The following NAALADL2 variants were observed in gnomAD, a reference collection of about 807,000 sequenced individuals.
NAALADL2 encodes the protein inactive N-acetylated-alpha-linked acidic dipeptidase-like protein 2.
A neutral mutation model predicts 87.2 loss-of-function variants in NAALADL2; 76 were observed. The ratio of observed to expected loss-of-function variants is 0.87; its 90% confidence interval spans 0.72 to 1.05. The LOEUF is 1.05. Ranked by LOEUF, NAALADL2 falls within the 50% of genes least tolerant of loss-of-function variation. The pLI is 0.00. For synonymous variants in NAALADL2, 354 were observed against 331.0 expected (o/e 1.07, Z -0.75); for missense variants, 1,089 against 945.8 (o/e 1.15, Z -1.99).
chr3:175,731,411 C>A (rs1011682018), intron 11 of NAALADL2, among the ~76,000 whole-genome samples: 17 of 152,108 alleles, frequency 1.1e-4, no homozygotes, highest in Admixed American at 4.6e-4. Context: ...GAAGCTGATT[C>A]TCAGTGTTTT....
rs115689231 is a variant in NAALADL2, at chr3:175,291,233, T to C, written c.940-32942T>C. 5.6e-3 allele frequency among the ~76,000 whole-genome samples: 853 copies of C among 152,316 alleles called. 4 individuals are homozygous for C. The highest frequency in any genetic ancestry group is 0.02 in the African/African-American group (820 of 41,586). On this transcript the variant is annotated intron_variant, in intron 4 of 13. Coordinates refer to ENST00000454872, the MANE Select transcript of NAALADL2 (RefSeq NM_207015.3). ...CTAACTTGCTGTGAATCCCAAGATA[T>C]GTGATCTCCTGAATGTTTAAGAGTT...
Position 174,456,890 on chromosome 3 carries a change from A to G in NAALADL2, c.-184+15858A>G, listed in dbSNP as rs147150453. On this transcript the variant is annotated intron_variant, in intron 1 of 3. Transcript: ENST00000434257. Reference sequence around the variant, plus strand: ...CAAAAGGAAACTAAAGAGCTTCTATACAGCAAAAGAAACTATCAACAGAGT... The same window carrying G: ...CAAAAGGAAACTAAAGAGCTTCTATGCAGCAAAAGAAACTATCAACAGAGT... Among the ~76,000 whole-genome samples the G allele has an allele frequency of 4.2e-3, 632 of 152,288 alleles. 9 individuals are homozygous for G. Among genetic ancestry groups the G allele is most frequent in the African/African-American group, 0.014 (594 of 41,572 alleles).
intron 11 of NAALADL2, among the ~76,000 whole-genome samples, chr3:175,635,450 C>T (rs1048780518): frequency 1.2e-4 from 18 of 152,076 alleles, no homozygotes; most frequent in African/African-American, 2.2e-4. Flanking sequence ...AGACTGATTT[C>T]GACATGTATT....
intron 3 of NAALADL2, among the ~76,000 whole-genome samples, chr3:174,826,723 A>G (rs535879342): frequency 7.5e-4 from 114 of 152,240 alleles, no homozygotes; most frequent in Middle Eastern, 6.8e-3. Flanking sequence ...TCCTTATAGC[A>G]TGTTTTATGG....
Position 174,831,977 on chromosome 3 carries a change from C to T in NAALADL2, c.-9+94231C>T, listed in dbSNP as rs1251261824. On this transcript the variant is annotated intron_variant, in intron 3 of 3. Transcript: ENST00000434257. ...ATATCCCCTTTATCATTTTTTATTG[C>T]GTCTATTTGATTCTTCTCTCTTTTT... Among the ~76,000 whole-genome samples the T allele has an allele frequency of 2.0e-3, 301 of 151,162 alleles. 1 individual carries two copies. Among genetic ancestry groups the T allele is most frequent in the East Asian group, 2.9e-3 (15 of 5,152 alleles).
Position 175,463,479 on chromosome 3 carries a change from G to A in NAALADL2, c.1313G>A (p.Gly438Asp). ...TVTNVVGFVMGLTSPDRYIIV... is the reference protein window; with the variant it reads ...TVTNVVGFVMDLTSPDRYIIV... ...ACTAATGTTGTTGGATTTGTAATGG[G>A]CTTGACATCTCCAGGTAAGTAGGGT... Residue 438 changes from glycine to aspartate, a missense_variant, in exon 7 of 14, where the codon GGC (glycine) becomes GAC (aspartate). Physicochemically the swap from Gly to Asp is moderately conservative, Grantham distance 94 (BLOSUM62 -1). Transcript: ENST00000454872. 6.3e-7 allele frequency: 1 copy of A among 1,588,564 alleles called. No individual in the cohort carries two copies. The highest frequency in any genetic ancestry group is 8.6e-7 in the Non-Finnish European group (1 of 1,163,890).
chr3:175,516,504 G>T lies in NAALADL2; in HGVS notation c.1653+44746G>T, dbSNP rs980185026. On this transcript the variant is annotated intron_variant, in intron 9 of 13. Transcript: ENST00000454872. ...GTTGAGATTTTCTAATTTAAAGGTC[G>T]GGGATTCAATAATCAATCCCCTTTC... 1.2e-4 allele frequency among the ~76,000 whole-genome samples: 19 copies of T among 152,194 alleles called. 1 individual carries two copies. The highest frequency in any genetic ancestry group is 7.9e-4 in the Admixed American group (12 of 15,268).
At chr3:175,407,042 G>T (rs146535407) in intron 5 of NAALADL2, among the ~76,000 whole-genome samples, 2,286 of 151,996 alleles carry the variant, frequency 0.015, 18 homozygotes, top group Non-Finnish European at 0.021. Flanking sequence ...AAATTAGCCA[G>T]GTGTAGTGGC....
intron 2 of NAALADL2, among the ~76,000 whole-genome samples, chr3:175,162,447 T>C (rs574578859): frequency 1.3e-5 from 2 of 152,288 alleles, no homozygotes; most frequent in Admixed American, 1.3e-4. Flanking sequence ...GGCAGTGTTG[T>C]GGAATAGAGA....
At chr3:175,673,932 A>G (rs1337413213) in intron 11 of NAALADL2, among the ~76,000 whole-genome samples, 1 of 152,044 alleles carries the variant, frequency 6.6e-6, no homozygotes, top group African/African-American at 2.4e-5. Context: ...GTATTTACAT[A>G]TTATATTAAG....
chr3:174,714,576 G>T (rs1196027359), intron 2 of NAALADL2, among the ~76,000 whole-genome samples: 2 of 152,156 alleles, frequency 1.3e-5, no homozygotes, highest in African/African-American at 2.4e-5. Context: ...GTGAATGGGA[G>T]TTCACTCATG....
At position 175,755,306 on chromosome 3, in the gene NAALADL2, C is replaced by T; in HGVS notation, c.2077C>T (p.Pro693Ser). 6.2e-7 allele frequency: 1 copy of T among 1,613,618 alleles called. No homozygotes were observed. The highest frequency in any genetic ancestry group is 8.5e-7 in the Non-Finnish European group (1 of 1,179,734). The change falls in exon 13 of 14, where the codon CCT (proline) becomes TCT (serine). Residue 693 changes from proline to serine, a missense_variant. Coordinates refer to ENST00000454872, the MANE Select transcript of NAALADL2 (RefSeq NM_207015.3). ...AELFQSDEMR[P>S]ANDPKERAPI... ...ACTTTTTCAGTCTGATGAGATGCGA[C>T]CTGCTAATGATCCCAAGGAGAGAGC...
At chr3:174,968,321 C>G (rs1325881140) in intron 1 of NAALADL2, among the ~76,000 whole-genome samples, 2 of 152,104 alleles carry the variant, frequency 1.3e-5, no homozygotes, top group East Asian at 3.9e-4. Context: ...CTTTCTGTAT[C>G]TCATTTTCTG....
At chr3:175,527,180 C>T (rs1733532057) in intron 9 of NAALADL2, among the ~76,000 whole-genome samples, 1 of 152,056 alleles carries the variant, frequency 6.6e-6, no homozygotes, top group Non-Finnish European at 1.5e-5. Flanking sequence ...TTGGTGTTTG[C>T]CCTCAAGTGA....
At chr3:175,535,174 C>G (rs988894929) in intron 9 of NAALADL2, among the ~76,000 whole-genome samples, 12 of 152,180 alleles carry the variant, frequency 7.9e-5, no homozygotes, top group African/African-American at 2.2e-4. Flanking sequence ...ACAATGTCCA[C>G]TATTCCATAT....
intron 9 of NAALADL2, among the ~76,000 whole-genome samples, chr3:175,505,415 C>A (rs1266127169): frequency 1.3e-5 from 2 of 152,144 alleles, no homozygotes; most frequent in East Asian, 3.9e-4. Context: ...ACCAAGTCAA[C>A]CCACAGTCCA....
At position 175,212,845 on chromosome 3, in the gene NAALADL2, C is replaced by T. The variant is rs140419427; in HGVS notation, c.546-21086C>T. Among the ~76,000 whole-genome samples the T allele has an allele frequency of 3.1e-3, 471 of 152,152 alleles. 2 individuals are homozygous for T. The highest frequency in any genetic ancestry group is 4.9e-3 in the Non-Finnish European group (330 of 68,006). On this transcript the variant is annotated intron_variant, in intron 2 of 13. Coordinates refer to ENST00000454872, the MANE Select transcript of NAALADL2 (RefSeq NM_207015.3). The stretch of plus-strand genomic sequence containing the variant: ...AAGTTCGTATGAAATACTTAAATAA[C>T]GCAGAAAATTGGTTAAAGCTTTACG...
intron 2 of NAALADL2, among the ~76,000 whole-genome samples, chr3:174,573,716 T>TA (rs1279018375): frequency 1.3e-5 from 2 of 152,046 alleles, no homozygotes; most frequent in Admixed American, 6.6e-5. Context: ...ACACTTTTTT[T>TA]AGCAATTAAT....
chr3:174,817,574 C>T (rs1720940832), intron 3 of NAALADL2, among the ~76,000 whole-genome samples: 1 of 151,954 alleles, frequency 6.6e-6, no homozygotes, highest in Admixed American at 6.6e-5. Context: ...TGCACTTCAG[C>T]CTAGTTGTCA....
Sources: gnomAD v4.1 joint callset for allele counts (sites outside exome capture counted in the v4.1 genomes callset) on GRCh38, gnomAD v4.1.1 for gene constraint, MANE v1.5 for transcripts, NCBI Gene and HGNC (gene_info 2026-07-23, HGNC 2026-07-21) for gene names.